TAFA1: variants seen among roughly 807,000 people sequenced by gnomAD.
TAFA1 encodes chemokine-like protein TAFA-1.
TAFA1 carries 4 observed loss-of-function variants against 18.5 expected under a neutral mutation model. The observed-to-expected ratio is 0.22, with a 90% CI of 0.11 to 0.49. The LOEUF (loss-of-function observed/expected upper bound fraction) is 0.49, where lower values mean the gene tolerates loss of function less well. Among genes scored for constraint, TAFA1 ranks in the 20% least tolerant of loss-of-function variants. The pLI is 0.98. For synonymous variants in TAFA1, 56 were observed against 55.2 expected (o/e 1.01, Z -0.06); for missense variants, 147 against 169.0 (o/e 0.87, Z 0.72).
chr3:68,305,710 A>G (rs1397915525), intron 2 of TAFA1, among the ~76,000 whole-genome samples: 1 of 151,818 alleles, frequency 6.6e-6, no homozygotes, highest in Non-Finnish European at 1.5e-5. Context: ...TGGGTTTTCA[A>G]GTATCACCAA....
At chr3:68,218,689 C>A (rs1442827546) in intron 2 of TAFA1, among the ~76,000 whole-genome samples, 1 of 152,090 alleles carries the variant, frequency 6.6e-6, no homozygotes, top group Non-Finnish European at 1.5e-5. Flanking sequence ...TAAGAAAGAT[C>A]AAAATTTGCA....
At chr3:68,248,147 A>G (rs1260543219) in intron 2 of TAFA1, among the ~76,000 whole-genome samples, 1 of 152,100 alleles carries the variant, frequency 6.6e-6, no homozygotes, top group Non-Finnish European at 1.5e-5. Flanking sequence ...CTGACTTTCA[A>G]TACATGCTCA....
chr3:68,090,168 T>G (rs2065014712), intron 2 of TAFA1, among the ~76,000 whole-genome samples: 1 of 152,294 alleles, frequency 6.6e-6, no homozygotes, highest in South Asian at 2.1e-4. Flanking sequence ...TTGTCATTGG[T>G]TAATAACCCA....
At chr3:67,999,337 A>G (rs1304469074), upstream of TAFA1, among the ~76,000 whole-genome samples, 1 of 129,118 alleles carries the variant, frequency 7.7e-6, no homozygotes, top group Non-Finnish European at 1.7e-5. Context: ...GAGGGGAAGC[A>G]TACAAAAGAG....
intron 2 of TAFA1, among the ~76,000 whole-genome samples, chr3:68,259,411 G>A (rs79991229): frequency 0.08 from 12,152 of 152,170 alleles, 748 homozygotes; most frequent in East Asian, 0.34. Flanking sequence ...GAGTGACTTG[G>A]CGATGCGGGC....
chr3:68,307,619 TA>T (rs1461995838), intron 2 of TAFA1, among the ~76,000 whole-genome samples: 1 of 152,194 alleles, frequency 6.6e-6, no homozygotes, highest in African/African-American at 2.4e-5. Context: ...TTGGAAACAA[TA>T]TTTATATTTT....
chr3:68,362,980 C>CTT (rs10681792), intron 2 of TAFA1, among the ~76,000 whole-genome samples: 4,219 of 74,862 alleles, frequency 0.056, 267 homozygotes, highest in African/African-American at 0.091. Context: ...GTCTTGCAGG[C>CTT]TTTTTTTTTT....
At chr3:68,073,469 C>T (rs1287583037) in intron 2 of TAFA1, among the ~76,000 whole-genome samples, 2 of 152,168 alleles carry the variant, frequency 1.3e-5, no homozygotes, top group East Asian at 3.9e-4. Flanking sequence ...TTTCTTTTTC[C>T]TCTTTATCTT....
At chr3:68,454,187 C>T (rs1425272901) in intron 3 of TAFA1, among the ~76,000 whole-genome samples, 1 of 152,184 alleles carries the variant, frequency 6.6e-6, no homozygotes, top group Non-Finnish European at 1.5e-5. Flanking sequence ...GGCTCTCCAG[C>T]ATTATTTCTA....
chr3:67,999,573 C>G (rs1244014697), upstream of TAFA1, among the ~76,000 whole-genome samples: 1 of 152,056 alleles, frequency 6.6e-6, no homozygotes, highest in Non-Finnish European at 1.5e-5. Context: ...CTCCAGGGAT[C>G]AGCTGTGAGC....
intron 3 of TAFA1, among the ~76,000 whole-genome samples, chr3:68,438,971 C>T (rs1448156345): frequency 1.3e-5 from 2 of 152,110 alleles, no homozygotes; most frequent in African/African-American, 2.4e-5. Flanking sequence ...ATCATTCTGC[C>T]TTCCTAGCCC....
At position 68,218,933 on chromosome 3, in the gene TAFA1, T is replaced by A. The variant is rs140188136; in HGVS notation, c.119-198347T>A. Among the ~76,000 whole-genome samples, 86 of 152,222 alleles carry A rather than the reference T, an allele frequency of 5.6e-4. 1 individual carries two copies. The East Asian group carries it at 0.012, about 21-fold the overall frequency. Reference sequence around the variant, plus strand: ...AACTTCATTTCATCTTAGCTCTGAATGTGAAATCCTTTTGAGTGTCCTTGA... The same window carrying A: ...AACTTCATTTCATCTTAGCTCTGAAAGTGAAATCCTTTTGAGTGTCCTTGA... On this transcript the variant is annotated intron_variant, in intron 2 of 4. Coordinates refer to ENST00000478136, the MANE Select transcript of TAFA1 (RefSeq NM_213609.4).
chr3:68,474,360 G>A (rs1036748651), intron 3 of TAFA1, among the ~76,000 whole-genome samples: 2 of 152,144 alleles, frequency 1.3e-5, no homozygotes, highest in Non-Finnish European at 2.9e-5. Flanking sequence ...TCATCCATTC[G>A]AGAATCTGAA....
intron 2 of TAFA1, among the ~76,000 whole-genome samples, chr3:68,184,162 C>T (rs2066241219): frequency 6.6e-6 from 1 of 152,092 alleles, no homozygotes; most frequent in Non-Finnish European, 1.5e-5. Context: ...GCTGTATTCT[C>T]CCTGAAATTT....
chr3:68,077,911 C>T (rs1251486029), intron 2 of TAFA1, among the ~76,000 whole-genome samples: 2 of 152,058 alleles, frequency 1.3e-5, no homozygotes, highest in South Asian at 2.1e-4. Context: ...AGTATGGACA[C>T]TTTCACGATA....
At chr3:68,520,039 C>A (rs1293394414) in intron 3 of TAFA1, among the ~76,000 whole-genome samples, 2 of 152,152 alleles carry the variant, frequency 1.3e-5, no homozygotes, top group East Asian at 3.8e-4. Flanking sequence ...CCAACAAAAT[C>A]CTAAAACACA....
chr3:68,027,620 C>T (rs1704844269), intron 2 of TAFA1, among the ~76,000 whole-genome samples: 1 of 152,126 alleles, frequency 6.6e-6, no homozygotes, highest in South Asian at 2.1e-4. Flanking sequence ...TCACACATGC[C>T]ACCGTGAAGT....
At chr3:68,238,302 T>C (rs954722060) in intron 2 of TAFA1, among the ~76,000 whole-genome samples, 3 of 152,216 alleles carry the variant, frequency 2.0e-5, no homozygotes, top group African/African-American at 7.2e-5. Context: ...TCCCTCAGGC[T>C]GAGACCTGGA....
intron 2 of TAFA1, among the ~76,000 whole-genome samples, chr3:68,352,422 T>C (rs1277257528): frequency 6.6e-6 from 1 of 151,960 alleles, no homozygotes; most frequent in African/African-American, 2.4e-5. Context: ...GCAAAGAAAG[T>C]AGTTTTAGGC....
Sources: allele counts gnomAD v4.1 joint callset (sites outside exome capture counted in the v4.1 genomes callset), GRCh38; gene constraint gnomAD v4.1.1; transcripts MANE v1.5; gene names NCBI Gene and HGNC (gene_info 2026-07-23, HGNC 2026-07-21).